The following TOX3 variants were observed in gnomAD, a reference collection of about 807,000 sequenced individuals.
TOX3 encodes the protein CAG trinucleotide repeat-containing gene F9 protein.
In TOX3, 22 loss-of-function variants were observed where a neutral mutation model predicts 64.3. The ratio of observed to expected loss-of-function variants is 0.34; its 90% CI spans 0.24 to 0.49. The LOEUF (loss-of-function observed/expected upper bound fraction) is 0.49. TOX3 is among the 20% of genes least tolerant of loss of function. The pLI is 0.99. For missense variants in TOX3, 661 were observed against 714.4 expected (o/e 0.93, Z 0.85); for synonymous variants, 291 against 273.6 (o/e 1.06, Z -0.63).
At chr16:52,492,186 A>G (rs12102837) in intron 1 of TOX3, among the ~76,000 whole-genome samples, 4,375 of 148,528 alleles carry the variant, frequency 0.029, 206 homozygotes, top group African/African-American at 0.1. Flanking sequence ...GTGCTGTGTT[A>G]TTGGTCATTT....
In TOX3 at chr16:52,438,121, T is replaced by C. The variant is rs1959805124; in HGVS notation, c.*1104A>G. On this transcript the variant is annotated 3_prime_UTR_variant, in exon 7 of 7. Transcript: ENST00000219746. ...ATTCTATAGCAAGATAAAAGCATTT[T>C]TGTTTTAGTTAAGCAAAATACAAAC... is the stretch of plus-strand genomic sequence containing the variant. 6.5e-6 allele frequency: 1 copy of C among 152,676 alleles called. No homozygotes were observed. Among genetic ancestry groups the C allele is most frequent in the African/African-American group, 2.4e-5 (1 of 41,470 alleles). 9.5% of individuals were successfully genotyped at this position (152,676 alleles called of 1,614,324 possible). A position where few individuals can be genotyped will look rare whatever the true frequency, so the allele number is the denominator to read the frequency against.
chr16:52,457,426 G>A (rs1472141974), intron 3 of TOX3, among the ~76,000 whole-genome samples: 2 of 151,900 alleles, frequency 1.3e-5, no homozygotes, highest in Non-Finnish European at 2.9e-5. Flanking sequence ...TCTCCATAAC[G>A]ATCCAATATT....
At chr16:52,504,963 T>A (rs1250868205) in intron 1 of TOX3, among the ~76,000 whole-genome samples, 1 of 152,140 alleles carries the variant, frequency 6.6e-6, no homozygotes, top group Non-Finnish European at 1.5e-5. Context: ...GCCACCCAAG[T>A]AGCTGGGATT....
At chr16:52,501,379 A>G (rs561281194) in intron 1 of TOX3, among the ~76,000 whole-genome samples, 1 of 152,348 alleles carries the variant, frequency 6.6e-6, no homozygotes, top group East Asian at 1.9e-4. Context: ...GATGAATAAA[A>G]ATATAGAGAT....
At chr16:52,510,760 A>G (rs1208839108) in intron 1 of TOX3, among the ~76,000 whole-genome samples, 179 of 77,484 alleles carry the variant, frequency 2.3e-3, no homozygotes, top group Non-Finnish European at 5.0e-3. Flanking sequence ...ACCCTGTCTC[A>G]AAAAAAAAAA....
intron 1 of TOX3, 25 bp from the exon 2 acceptor site, chr16:52,468,599 G>T: frequency 2.6e-6 from 4 of 1,545,264 alleles, no homozygotes; most frequent in South Asian, 1.1e-5. Context: ...ATTGTTTTAC[G>T]TTAATATGCG....
intron 1 of TOX3, among the ~76,000 whole-genome samples, chr16:52,544,104 A>G (rs146315316): frequency 5.3e-4 from 80 of 152,358 alleles, no homozygotes; most frequent in African/African-American, 1.8e-3. Flanking sequence ...ATCCAGAAAG[A>G]TAATACATGT....
At chr16:52,516,613 A>C (rs1962464666) in intron 1 of TOX3, among the ~76,000 whole-genome samples, 1 of 152,240 alleles carries the variant, frequency 6.6e-6, no homozygotes, top group African/African-American at 2.4e-5. Context: ...AGATTGAAAA[A>C]AATCAGATAT....
At position 52,439,488 on chromosome 16, in the gene TOX3, G is replaced by C. The variant is rs1362774895; in HGVS notation, c.1468C>G (p.Leu490Val). 2.8e-6 allele frequency: 4 copies of C among 1,413,058 alleles called. No homozygotes were observed. The Admixed American group carries it at 7.9e-5, about 28-fold the overall frequency. 87.5% of individuals were successfully genotyped at this position (1,413,058 alleles called of 1,614,324 possible). A position where few individuals can be genotyped will look rare whatever the true frequency, so the allele number is the denominator to read the frequency against. Residue 490 changes from leucine (L) to valine (V), a missense_variant, in exon 7 of 7, where the codon CTG becomes GTG. Leu to Val is a conservative substitution (Grantham distance 32, BLOSUM62 1). Transcript: ENST00000219746. The stretch of plus-strand genomic sequence containing the variant: ...TGGAGATGCTGCTGCTGCTGCTGCA[G>C]GTGCTGCTGCATGTGGTGCTGGAAA... ...QHFQHHMQQH[L>V]QQQQQHLQQQ... is the part of the protein sequence containing the mutation.
In TOX3 at chr16:52,517,095, G is replaced by T. The variant is rs45483592; in HGVS notation, c.87+29542C>A. On this transcript the variant is annotated intron_variant, in intron 1 of 6. Coordinates refer to ENST00000219746, the MANE Select transcript of TOX3 (RefSeq NM_001080430.4). Reference sequence around the variant, plus strand: ...ACACATACACAATATGTTAAGAAATGAGTACAAAAATTAGGGGAGCTACCA... The same window carrying T: ...ACACATACACAATATGTTAAGAAATTAGTACAAAAATTAGGGGAGCTACCA... Among the ~76,000 whole-genome samples, 530 of 152,224 alleles carry T rather than the reference G, an allele frequency of 3.5e-3. 12 individuals carry two copies. The East Asian group carries it at 0.05, about 14-fold the overall frequency.
intron 3 of TOX3, among the ~76,000 whole-genome samples, chr16:52,459,326 TA>T (rs147312044): frequency 1.3e-5 from 2 of 151,684 alleles, no homozygotes; most frequent in African/African-American, 4.8e-5. Flanking sequence ...TATGTAAAAT[TA>T]AAAAAAATAA....
At chr16:52,525,910 T>C (rs1012372258) in intron 1 of TOX3, among the ~76,000 whole-genome samples, 1 of 152,218 alleles carries the variant, frequency 6.6e-6, no homozygotes, top group Non-Finnish European at 1.5e-5. Context: ...GTGCAAATAT[T>C]AGTATGCCCA....
At chr16:52,463,054 G>A (rs1001358110) in intron 3 of TOX3, among the ~76,000 whole-genome samples, 1 of 152,050 alleles carries the variant, frequency 6.6e-6, no homozygotes, top group Admixed American at 6.5e-5. Flanking sequence ...AACATCACTG[G>A]CATGGTCCTA....
At chr16:52,503,391 C>T (rs1962058119) in intron 1 of TOX3, among the ~76,000 whole-genome samples, 1 of 152,190 alleles carries the variant, frequency 6.6e-6, no homozygotes, top group African/African-American at 2.4e-5. Flanking sequence ...AGTGAACATG[C>T]ATACAGCACT....
At chr16:52,459,233 C>T (rs1018915181) in intron 3 of TOX3, among the ~76,000 whole-genome samples, 8 of 152,076 alleles carry the variant, frequency 5.3e-5, no homozygotes, top group Non-Finnish European at 8.8e-5. Flanking sequence ...CGCTTGAACA[C>T]GGGAGTTCGA....
chr16:52,517,617 T>G (rs758706594), intron 1 of TOX3, among the ~76,000 whole-genome samples: 1 of 152,100 alleles, frequency 6.6e-6, no homozygotes, highest in Non-Finnish European at 1.5e-5. Flanking sequence ...GTAGACTACA[T>G]GCATCTTACC....
intron 1 of TOX3, among the ~76,000 whole-genome samples, chr16:52,538,949 T>C (rs907473734): frequency 2.0e-5 from 3 of 152,176 alleles, no homozygotes; most frequent in Non-Finnish European, 4.4e-5. Flanking sequence ...CTACTCCTTA[T>C]ATTTTTAAAC....
intron 6 of TOX3, among the ~76,000 whole-genome samples, chr16:52,442,161 C>T (rs1353720424): frequency 6.6e-6 from 1 of 152,122 alleles, no homozygotes; most frequent in South Asian, 2.1e-4. Context: ...TCCTTGCCTG[C>T]CTTCTTGTTC....
At chr16:52,488,600 GA>G (rs1961591220) in intron 1 of TOX3, among the ~76,000 whole-genome samples, 1 of 152,052 alleles carries the variant, frequency 6.6e-6, no homozygotes, top group Non-Finnish European at 1.5e-5. Flanking sequence ...TATAGAGAAG[GA>G]AAACAAAAGT....
Sources: gnomAD v4.1 joint callset for allele counts (sites outside exome capture counted in the v4.1 genomes callset) on GRCh38, gnomAD v4.1.1 for gene constraint, MANE v1.5 for transcripts, NCBI Gene and HGNC (gene_info 2026-07-23, HGNC 2026-07-21) for gene names.